The following NEDD4 variants were observed in gnomAD, a reference collection of about 807,000 sequenced individuals.
NEDD4 encodes NEDD4 E3 ubiquitin protein ligase, also known as E3 ubiquitin-protein ligase NEDD4.
A neutral mutation model predicts 144.9 loss-of-function variants in NEDD4; 99 were observed. That is an observed-to-expected ratio of 0.68 (90% CI 0.58 to 0.81). NEDD4 has a LOEUF of 0.81. NEDD4 is among the 30% of genes least tolerant of loss of function. The pLI is 0.00. For missense variants in NEDD4, 985 were observed against 1,065.9 expected, an observed-to-expected ratio of 0.92 and a Z score of 1.06; for synonymous variants, 318 against 350.6, an observed-to-expected ratio of 0.91 and a Z score of 1.04.
chr15:55,936,371 T>A (rs1194052096), intron 4 of NEDD4, among the ~76,000 whole-genome samples: 1 of 151,956 alleles, frequency 6.6e-6, no homozygotes, highest in East Asian at 1.9e-4. Flanking sequence ...TCACGCCAAA[T>A]TTGTGTGCGT....
intron 5 of NEDD4, among the ~76,000 whole-genome samples, chr15:55,921,113 T>C (rs2036561273): frequency 6.6e-6 from 1 of 152,184 alleles, no homozygotes; most frequent in Non-Finnish European, 1.5e-5. Flanking sequence ...GATAAAGAAT[T>C]TTCCAAGTAT....
At chr15:55,864,943 A>G (rs1437542902) in intron 8 of NEDD4, among the ~76,000 whole-genome samples, 4 of 152,044 alleles carry the variant, frequency 2.6e-5, no homozygotes, top group African/African-American at 9.7e-5. Flanking sequence ...CATGCCTGCA[A>G]TCTCAGCACT....
chr15:55,901,047 T>A (rs1191400673), intron 5 of NEDD4, among the ~76,000 whole-genome samples: 4 of 152,282 alleles, frequency 2.6e-5, no homozygotes, highest in Admixed American at 6.5e-5. Flanking sequence ...AAAACTGGTA[T>A]CTAACTTTTT....
intron 1 of NEDD4, among the ~76,000 whole-genome samples, chr15:55,982,659 T>C (rs1350180814): frequency 6.6e-6 from 1 of 152,200 alleles, no homozygotes; most frequent in African/African-American, 2.4e-5. Flanking sequence ...AATTGGGTCA[T>C]TGGCTTTACA....
At chr15:55,971,248 G>A (rs571803230) in intron 1 of NEDD4, among the ~76,000 whole-genome samples, 8 of 152,048 alleles carry the variant, frequency 5.3e-5, no homozygotes, top group Admixed American at 6.6e-5. Flanking sequence ...AAAATATACC[G>A]TCAGAGGTGT....
chr15:55,935,453 T>C (rs1185101975), intron 4 of NEDD4, among the ~76,000 whole-genome samples: 1 of 152,082 alleles, frequency 6.6e-6, no homozygotes, highest in African/African-American at 2.4e-5. Flanking sequence ...ACCATTTTCC[T>C]CACCAACAAT....
rs148928487 is a variant in NEDD4 at position 55,902,883 on chromosome 15, C to T, written c.291+21763G>A. Among the ~76,000 whole-genome samples the T allele has an allele frequency of 4.6e-3, 699 of 152,210 alleles. 7 individuals carry two copies. The highest frequency in any genetic ancestry group is 0.016 in the African/African-American group (668 of 41,536). On this transcript the variant is annotated intron_variant, in intron 5 of 28. Transcript: ENST00000435532. Reference sequence around the variant, plus strand: ...CAGCATGGTGGCAGGTGCCTGTAATCGCCGCTAGTCAGGAGGCTGAGGCAG... The same window carrying T: ...CAGCATGGTGGCAGGTGCCTGTAATTGCCGCTAGTCAGGAGGCTGAGGCAG...
chr15:55,975,754 C>T (rs1269833226), intron 1 of NEDD4, among the ~76,000 whole-genome samples: 1 of 152,148 alleles, frequency 6.6e-6, no homozygotes, highest in African/African-American at 2.4e-5. Context: ...ATACCAATGA[C>T]ATACTTCACA....
chr15:55,886,562 G>A (rs535521399), intron 5 of NEDD4, among the ~76,000 whole-genome samples: 9 of 152,182 alleles, frequency 5.9e-5, no homozygotes, highest in Non-Finnish European at 1.0e-4. Flanking sequence ...GTCAGAGATC[G>A]AGACCATCCT....
At chr15:55,938,752 G>C (rs1262703743) in intron 4 of NEDD4, among the ~76,000 whole-genome samples, 1 of 151,600 alleles carries the variant, frequency 6.6e-6, no homozygotes, top group Admixed American at 6.6e-5. Flanking sequence ...ACATACAAAA[G>C]GAACTCCCAT....
At chr15:55,922,853 T>C (rs950610706) in intron 5 of NEDD4, among the ~76,000 whole-genome samples, 8 of 152,310 alleles carry the variant, frequency 5.3e-5, no homozygotes, top group African/African-American at 1.9e-4. Context: ...GTAACGTGTA[T>C]ACATATTTGT....
chr15:55,869,650 G>A lies in NEDD4; in HGVS notation c.436C>T (p.Leu146=), dbSNP rs1883428522. 1 of 1,571,032 alleles carries A rather than the reference G, an allele frequency of 6.4e-7. No individual in the cohort carries two copies. The highest frequency in any genetic ancestry group is 1.2e-5 in the South Asian group (1 of 85,792). ...GTTTTAGGTAAATAAGTCATTTTTA[G>A]TCTCAGATAACCTTTAACTCTTGAT... ...HKSRVKGYLR[L]KMTYLPKTSG... is the part of the protein sequence containing the mutation. The change falls in exon 8 of 29, where the codon CTA becomes TTA. Residue 146 remains leucine, a synonymous_variant. Coordinates refer to ENST00000435532, the MANE Select transcript of NEDD4 (RefSeq NM_006154.4).
chr15:55,849,637 T>G (rs1278343108), intron 14 of NEDD4, among the ~76,000 whole-genome samples: 1 of 151,896 alleles, frequency 6.6e-6, no homozygotes, highest in South Asian at 2.1e-4. Flanking sequence ...CAATTCAGAA[T>G]GTTAAAAAAG....
chr15:55,900,016 C>T (rs768662607), intron 5 of NEDD4, among the ~76,000 whole-genome samples: 1 of 151,400 alleles, frequency 6.6e-6, no homozygotes, highest in Admixed American at 6.6e-5. Flanking sequence ...CAGACATGTC[C>T]TCAAAGCTGA....
At chr15:55,976,733 C>G (rs879740014) in intron 1 of NEDD4, among the ~76,000 whole-genome samples, 1 of 151,706 alleles carries the variant, frequency 6.6e-6, no homozygotes, top group Non-Finnish European at 1.5e-5. Flanking sequence ...GGGCTCACGC[C>G]GTTCTCCTGC....
intron 28 of NEDD4, among the ~76,000 whole-genome samples, 175 bp downstream of exon 28, chr15:55,830,339 T>G (rs1369213435): frequency 6.6e-6 from 1 of 152,228 alleles, no homozygotes; most frequent in Non-Finnish European, 1.5e-5. Context: ...ACTTCAAGCT[T>G]GGGCCAACTT....
Position 55,829,666 on chromosome 15 carries a change from AG to A in NEDD4, c.*230del, listed in dbSNP as rs2032851206. 1 of 386,448 alleles carries A rather than the reference AG, an allele frequency of 2.6e-6. No homozygotes were observed. The highest frequency in any genetic ancestry group is 2.1e-5 in the African/African-American group (1 of 48,494). 23.9% of individuals were successfully genotyped at this position (386,448 alleles called of 1,614,324 possible). A position where few individuals can be genotyped will look rare whatever the true frequency, so the allele number is the denominator to read the frequency against. On this transcript the variant is annotated 3_prime_UTR_variant, in exon 29 of 29. Transcript: ENST00000435532. ...GGTGTGGTGGTGCCTGGCTTTAGGC[AG>A]GCACCTAACTCTAAAGACAGCATGA...
At chr15:55,909,718 C>T (rs1489418794) in intron 5 of NEDD4, among the ~76,000 whole-genome samples, 2 of 152,170 alleles carry the variant, frequency 1.3e-5, no homozygotes, top group African/African-American at 4.8e-5. Flanking sequence ...AGAGTGGACA[C>T]AAACGGGTGA....
chr15:55,838,236 T>C, intron 22 of NEDD4, 56 bp from the exon 23 acceptor site: 3 of 1,231,602 alleles, frequency 2.4e-6, no homozygotes, highest in Non-Finnish European at 1.1e-6. Flanking sequence ...ATTTAAAAAG[T>C]ATACATATTG....
Sources: allele counts gnomAD v4.1 joint callset (sites outside exome capture counted in the v4.1 genomes callset), GRCh38; gene constraint gnomAD v4.1.1; transcripts MANE v1.5; gene names NCBI Gene and HGNC (gene_info 2026-07-23, HGNC 2026-07-21).